Variants in RWDD4 observed in about 807,000 individuals in gnomAD.
The protein encoded by RWDD4 is RWD domain-containing protein 4.
In RWDD4, 16 loss-of-function variants were observed where a neutral mutation model predicts 30.0. The observed-to-expected ratio is 0.53, with a 90% CI of 0.36 to 0.81. The LOEUF is 0.81. Among genes scored for constraint, RWDD4 ranks in the 30% least tolerant of loss-of-function variants. RWDD4 has a pLI of 0.00. For synonymous variants in RWDD4, 45 were observed against 72.1 expected, an observed-to-expected ratio of 0.62 and a Z score of 1.90; for missense variants, 170 against 223.9, an observed-to-expected ratio of 0.76 and a Z score of 1.54.
intron 1 of RWDD4, among the ~76,000 whole-genome samples, chr4:183,657,109 ACCTAGTAAG>A (rs952437361): frequency 6.6e-6 from 1 of 152,204 alleles, no homozygotes; most frequent in Non-Finnish European, 1.5e-5. Flanking sequence ...AGACCCTAAG[ACCTAGTAAG>A]TATATGAAAA....
At chr4:183,658,898 C>T in intron 1 of RWDD4, 31 bp downstream of exon 1, 1 of 1,248,538 alleles carries the variant, frequency 8.0e-7, no homozygotes, top group East Asian at 3.0e-5. Context: ...CGCGCCCGCG[C>T]TGGGAGAGGG....
At chr4:183,643,267 A>C (rs1733900087) in intron 7 of RWDD4, among the ~76,000 whole-genome samples, 1 of 148,580 alleles carries the variant, frequency 6.7e-6, no homozygotes, top group Admixed American at 6.7e-5. Context: ...TCTCTACTAA[A>C]AATAAAAAAA....
chr4:183,642,185 A>ATTTTTTTTTTTTTTTTTTTTTTTTTTT (rs1009902870), intron 7 of RWDD4, among the ~76,000 whole-genome samples: 1 of 97,154 alleles, frequency 1.0e-5, no homozygotes, highest in Non-Finnish European at 1.9e-5. Flanking sequence ...CATTCTTAAA[A>ATTTTTTTTTTTTTTTTTTTTTTTTTTT]TTTTTTTTTT....
intron 2 of RWDD4, among the ~76,000 whole-genome samples, chr4:183,655,354 T>C (rs1481486456): frequency 6.6e-6 from 1 of 151,930 alleles, no homozygotes; most frequent in African/African-American, 2.4e-5. Context: ...TGATCTCGGC[T>C]CACTGCAAGC....
At chr4:183,641,583 C>A in intron 7 of RWDD4, 115 bp from the exon 8 acceptor site, 1 of 764,428 alleles carries the variant, frequency 1.3e-6, no homozygotes, top group Admixed American at 2.3e-5. Context: ...AAATCACCTA[C>A]AGTTTTTACC....
intron 7 of RWDD4, among the ~76,000 whole-genome samples, chr4:183,642,918 G>A (rs1005373220): frequency 6.6e-6 from 1 of 151,382 alleles, no homozygotes; most frequent in Non-Finnish European, 1.5e-5. Flanking sequence ...AATTACCCGG[G>A]CATGGTGGTG....
Position 183,640,858 on chromosome 4 carries a change from ATTAAT to A in RWDD4, c.*573_*577del, listed in dbSNP as rs1340549025. 1 of 140,684 alleles carries A rather than the reference ATTAAT, an allele frequency of 7.1e-6. No homozygotes were observed. Among genetic ancestry groups the A allele is most frequent in the African/African-American group, 2.6e-5 (1 of 37,966 alleles). 8.7% of individuals were successfully genotyped at this position (140,684 alleles called of 1,614,324 possible). On this transcript the variant is annotated 3_prime_UTR_variant, in exon 8 of 8. Transcript: ENST00000326397. ...AATCAAGAGAAAAGTATAAATAGATATTAATTTATTAAAAGGAAGCAGTTCATCTT... is the reference window on the plus strand; with the variant it reads ...AATCAAGAGAAAAGTATAAATAGATATTATTAAAAGGAAGCAGTTCATCTT...
intron 7 of RWDD4, among the ~76,000 whole-genome samples, chr4:183,643,790 C>T (rs1561008681): frequency 6.6e-6 from 1 of 152,048 alleles, no homozygotes; most frequent in African/African-American, 2.4e-5. Flanking sequence ...TGGTGGCAAG[C>T]GCCTGTAATT....
In RWDD4 at chr4:183,643,415, CAAAAAAAAAAAAAAAA is replaced by C. The variant is rs56730708; in HGVS notation, c.535-1963_535-1948del. Among the ~76,000 whole-genome samples the C allele has an allele frequency of 5.3e-4, 12 of 22,664 alleles. No individual in the cohort carries two copies. In the South Asian group the frequency reaches 1.0e-2, roughly 19 times the overall value. 14.9% of individuals were successfully genotyped at this position (22,664 alleles called of 152,430 possible). On this transcript the variant is annotated intron_variant, in intron 7 of 7. Transcript: ENST00000326397. The stretch of plus-strand genomic sequence containing the variant: ...TGAGTGACAGAGCAAGACTCTATCT[CAAAAAAAAAAAAAAAA>C]AAAAAAAAAAAAAAAAGCATTTAAG...
intron 2 of RWDD4, among the ~76,000 whole-genome samples, chr4:183,652,667 G>T (rs543480733): frequency 6.6e-6 from 1 of 151,942 alleles, no homozygotes; most frequent in African/African-American, 2.4e-5. Flanking sequence ...AAAATTAGCT[G>T]GGCATGGTGG....
Position 183,641,209 on chromosome 4 carries a change from A to G in RWDD4, c.*227T>C. On this transcript the variant is annotated 3_prime_UTR_variant, in exon 8 of 8. Transcript: ENST00000326397. ...AAGCTCAAGGGGCTTCATAAAGTATACTAAACAGTAACATTTTCACCTTTT... is the reference window on the plus strand; with the variant it reads ...AAGCTCAAGGGGCTTCATAAAGTATGCTAAACAGTAACATTTTCACCTTTT... 1 of 577,610 alleles carries G rather than the reference A, an allele frequency of 1.7e-6. No individual in the cohort carries two copies. The highest frequency in any genetic ancestry group is 2.1e-5 in the South Asian group (1 of 46,596). 35.8% of individuals were successfully genotyped at this position (577,610 alleles called of 1,614,324 possible). A position where few individuals can be genotyped will look rare whatever the true frequency, so the allele number is the denominator to read the frequency against.
At chr4:183,645,279 C>T (rs1050765248) in intron 7 of RWDD4, among the ~76,000 whole-genome samples, 31 of 152,142 alleles carry the variant, frequency 2.0e-4, no homozygotes, top group Admixed American at 2.0e-3. Flanking sequence ...AAATTTATTT[C>T]GTGAAGTCCT....
chr4:183,650,768 T>C (rs1475509770), intron 4 of RWDD4, among the ~76,000 whole-genome samples: 1 of 152,196 alleles, frequency 6.6e-6, no homozygotes, highest in Non-Finnish European at 1.5e-5. Context: ...TATATTCTAG[T>C]CTTTGATAAA....
intron 7 of RWDD4, among the ~76,000 whole-genome samples, chr4:183,643,505 A>G (rs1561008551): frequency 1.4e-5 from 2 of 146,392 alleles, no homozygotes; most frequent in African/African-American, 5.1e-5. Flanking sequence ...GACCTTGTGT[A>G]CCCCCTGAGA....
At chr4:183,644,163 A>G (rs947853419) in intron 7 of RWDD4, among the ~76,000 whole-genome samples, 6 of 152,332 alleles carry the variant, frequency 3.9e-5, no homozygotes, top group Non-Finnish European at 5.9e-5. Flanking sequence ...AAAATTGCTC[A>G]TTTTGGAGCA....
intron 5 of RWDD4, among the ~76,000 whole-genome samples, chr4:183,648,248 G>GAAAAAAAAAAAAAAAA (rs1207009091): frequency 9.8e-6 from 1 of 101,618 alleles, no homozygotes; most frequent in Admixed American, 1.1e-4. Context: ...AAAGAAAAAA[G>GAAAAAAAAAAAAAAAA]AAAAAAAAAA....
At chr4:183,644,414 G>A (rs995669533) in intron 7 of RWDD4, among the ~76,000 whole-genome samples, 1 of 152,210 alleles carries the variant, frequency 6.6e-6, no homozygotes, top group African/African-American at 2.4e-5. Flanking sequence ...GCAGCACTAA[G>A]ATTATTTTAA....
chr4:183,643,415 CAAAAAAAAAAAAAAAAAAAAA>C (rs56730708), intron 7 of RWDD4, among the ~76,000 whole-genome samples: 1 of 22,652 alleles, frequency 4.4e-5, no homozygotes, highest in Non-Finnish European at 7.7e-5. Flanking sequence ...GACTCTATCT[CAAAAAAAAAAAAAAAAAAAAA>C]AAAAAAAAAA....
At chr4:183,658,591 G>A (rs1473788369) in intron 1 of RWDD4, among the ~76,000 whole-genome samples, 1 of 152,206 alleles carries the variant, frequency 6.6e-6, no homozygotes, top group Admixed American at 6.5e-5. Context: ...ATTTAAAGGT[G>A]ATCAGCCTAA....
Sources: gnomAD v4.1 joint callset for allele counts (sites outside exome capture counted in the v4.1 genomes callset) on GRCh38, gnomAD v4.1.1 for gene constraint, MANE v1.5 for transcripts, NCBI Gene and HGNC (gene_info 2026-07-23, HGNC 2026-07-21) for gene names.